IRS1: variants seen among roughly 807,000 people sequenced by gnomAD.
IRS1 encodes insulin receptor substrate 1.
Under a neutral mutation model 65.6 loss-of-function variants are expected in IRS1, and 34 were observed. The observed-to-expected ratio is 0.52, with a 90% CI of 0.39 to 0.69. The LOEUF is 0.69. Among genes scored for constraint, IRS1 ranks in the 30% least tolerant of loss-of-function variants. The pLI, the probability that IRS1 is intolerant of heterozygous loss-of-function variation, is 0.00. For synonymous variants in IRS1, 699 were observed against 683.5 expected (o/e 1.02, Z -0.35); for missense variants, 1,641 against 1,720.2 (o/e 0.95, Z 0.81).
In IRS1 at chr2:226,797,121, G is replaced by A; in HGVS notation, c.1618C>T (p.Pro540Ser). 1.9e-6 allele frequency: 3 copies of A among 1,613,840 alleles called. No individual in the cohort carries two copies. The South Asian group carries it at 3.3e-5, about 18-fold the overall frequency. ...ATGGAAGCCACTGAGGACTGGGACGGGGTCTTCTGGTGGGTAATGGTAGGG... is the reference window on the plus strand; with the variant it reads ...ATGGAAGCCACTGAGGACTGGGACGAGGTCTTCTGGTGGGTAATGGTAGGG... ...TSPTITHQKT[P>S]SQSSVASIEE... Residue 540 changes from proline to serine, a missense_variant, in exon 1 of 2, where the codon CCG (proline) becomes TCG (serine). This residue lies in a region of IRS1 where 1,324 missense variants were observed against 1,361.0 expected (regional missense o/e 0.97). Coordinates refer to ENST00000305123, the MANE Select transcript of IRS1 (RefSeq NM_005544.3). This position sits in a 1 kb window ranked among gnomAD's most constrained non-coding sequence, Gnocchi z 8.1.
At chr2:226,778,867 A>G (rs1475991533) in intron 1 of IRS1, among the ~76,000 whole-genome samples, 1 of 152,216 alleles carries the variant, frequency 6.6e-6, no homozygotes, top group African/African-American at 2.4e-5. Context: ...ATATACATCA[A>G]CTTCAACTCT....
In IRS1 at chr2:226,731,390, C is replaced by T. The variant is rs1436349690; in HGVS notation, c.*4882G>A. 2 of 152,070 alleles carry T rather than the reference C, an allele frequency of 1.3e-5. No homozygotes were observed. The highest frequency in any genetic ancestry group is 2.9e-5 in the Non-Finnish European group (2 of 68,024). 9.4% of individuals were successfully genotyped at this position (152,070 alleles called of 1,614,324 possible). ...AGACATTAAGGACCACTAATATTTACATCCATGAATTCATTTAGACAGTTT... is the reference window on the plus strand; with the variant it reads ...AGACATTAAGGACCACTAATATTTATATCCATGAATTCATTTAGACAGTTT... On this transcript the variant is annotated 3_prime_UTR_variant, in exon 2 of 2. Coordinates refer to ENST00000305123, the MANE Select transcript of IRS1 (RefSeq NM_005544.3).
chr2:226,772,039 AT>A (rs1251961103), intron 1 of IRS1, among the ~76,000 whole-genome samples: 1 of 152,234 alleles, frequency 6.6e-6, no homozygotes, highest in Non-Finnish European at 1.5e-5. Flanking sequence ...CATAAAATAA[AT>A]ATCTGAACAA....
Position 226,796,632 on chromosome 2 carries a change from C to A in IRS1, c.2107G>T (p.Val703Leu). 1 of 1,613,958 alleles carries A rather than the reference C, an allele frequency of 6.2e-7. No homozygotes were observed. The highest frequency in any genetic ancestry group is 8.5e-7 in the Non-Finnish European group (1 of 1,179,910). ...AAGACATGAGAGTGGTGGCCCCCTA[C>A]CCCGTTTGTCCACAGCTTTCCATAG... The part of the protein sequence containing the change: ...TSYGKLWTNG[V>L]GGHHSHVLPH... The change falls in exon 1 of 2, where the codon GTA (valine) becomes TTA (leucine). Residue 703 changes from valine to leucine, a missense_variant. Val to Leu is a conservative substitution (Grantham distance 32, BLOSUM62 1). Transcript: ENST00000305123.
In IRS1 at chr2:226,799,301, A is replaced by C; in HGVS notation, c.-563T>G. The stretch of plus-strand genomic sequence containing the variant: ...CCTCCTCCCACCCCCCAACCGTCCC[A>C]GCCGCCACCAGCCGCCCAAATACCA... On this transcript the variant is annotated 5_prime_UTR_variant, in exon 1 of 2. Transcript: ENST00000305123. This position sits in a 1 kb window ranked among gnomAD's most constrained non-coding sequence, Gnocchi z 6.1. 8.3e-7 allele frequency: 1 copy of C among 1,201,294 alleles called. No homozygotes were observed. Among genetic ancestry groups the C allele is most frequent in the Non-Finnish European group, 1.1e-6 (1 of 939,896 alleles). 74.4% of individuals were successfully genotyped at this position (1,201,294 alleles called of 1,614,324 possible).
chr2:226,746,785 CTTTTTTT>C (rs1213711501), intron 1 of IRS1, among the ~76,000 whole-genome samples: 1 of 118,440 alleles, frequency 8.4e-6, no homozygotes, highest in African/African-American at 3.2e-5. Flanking sequence ...TAGCAGCATT[CTTTTTTT>C]TTTTTTTTTT....
At chr2:226,748,880 A>G (rs1938613559) in intron 1 of IRS1, among the ~76,000 whole-genome samples, 1 of 152,198 alleles carries the variant, frequency 6.6e-6, no homozygotes, top group South Asian at 2.1e-4. Context: ...GAACAAGTTG[A>G]TTTCCAGGTG....
intron 1 of IRS1, among the ~76,000 whole-genome samples, chr2:226,761,626 CAG>C (rs1938915476): frequency 6.6e-6 from 1 of 152,114 alleles, no homozygotes. Flanking sequence ...GTTGAGCTTC[CAG>C]AGAGCTTTAC....
rs976619333 is a variant in IRS1 at position 226,798,797 on chromosome 2, G to A, written c.-59C>T. Reference sequence around the variant, plus strand: ...GAGGCTCCGAAAAACAACCGGGTGGGGGGCGGAGGCTCCTCGCCGCGGCCC... The same window carrying A: ...GAGGCTCCGAAAAACAACCGGGTGGAGGGCGGAGGCTCCTCGCCGCGGCCC... On this transcript the variant is annotated 5_prime_UTR_variant, in exon 1 of 2. Transcript: ENST00000305123. This position sits in a 1 kb window ranked among gnomAD's most constrained non-coding sequence, Gnocchi z 9.4. 1 of 1,567,038 alleles carries A rather than the reference G, an allele frequency of 6.4e-7. No homozygotes were observed. The highest frequency in any genetic ancestry group is 8.6e-7 in the Non-Finnish European group (1 of 1,157,112).
chr2:226,751,362 C>T (rs112969746), intron 1 of IRS1, among the ~76,000 whole-genome samples: 10,228 of 145,074 alleles, frequency 0.071, 606 homozygotes, highest in African/African-American at 0.16. Context: ...CGGCTCACTG[C>T]AAGCTCCACC....
chr2:226,795,842 C>A lies in IRS1; in HGVS notation c.2897G>T (p.Gly966Val), dbSNP rs757138873. ...ESTGVEMGRL[G>V]PAPPGAASIC... ...GCTAGCAGCCCCGGGAGGTGCAGGG[C>A]CCAGTCTGCCCATCTCGACCCCAGT... The change falls in exon 1 of 2, where the codon GGC (glycine) becomes GTC (valine). Residue 966 changes from glycine to valine, a missense_variant. Transcript: ENST00000305123. The A allele has an allele frequency of 2.5e-5, 40 of 1,613,162 alleles. No individual in the cohort carries two copies. Among genetic ancestry groups the A allele is most frequent in the Non-Finnish European group, 2.9e-5 (34 of 1,179,922 alleles).
Position 226,797,443 on chromosome 2 carries a change from G to T in IRS1, c.1296C>A (p.Gly432=), listed in dbSNP as rs754727147. ...DGGFISSDEY[G]SSPCDFRSSF... ...AACTCCGGAAATCGCAGGGACTGGAGCCATACTCATCCGAGGAGATGAAAC... is the reference window on the plus strand; with the variant it reads ...AACTCCGGAAATCGCAGGGACTGGATCCATACTCATCCGAGGAGATGAAAC... The change falls in exon 1 of 2, where the codon GGC becomes GGA. Residue 432 remains glycine (G), a synonymous_variant. Coordinates refer to ENST00000305123, the MANE Select transcript of IRS1 (RefSeq NM_005544.3). The surrounding 1 kb of genome is among the most constrained non-coding windows in gnomAD (Gnocchi z 8.1). 6.2e-7 allele frequency: 1 copy of T among 1,613,564 alleles called. No homozygotes were observed. Among genetic ancestry groups the T allele is most frequent in the Admixed American group, 1.7e-5 (1 of 60,012 alleles).
At chr2:226,773,819 A>G (rs1939209177) in intron 1 of IRS1, among the ~76,000 whole-genome samples, 1 of 152,098 alleles carries the variant, frequency 6.6e-6, no homozygotes, top group African/African-American at 2.4e-5. Flanking sequence ...GTTAACTGTA[A>G]CCACTCCAGG....
At chr2:226,766,154 TATA>T (rs1185504694) in intron 1 of IRS1, among the ~76,000 whole-genome samples, 23 of 17,556 alleles carry the variant, frequency 1.3e-3, no homozygotes, top group African/African-American at 4.2e-3. Context: ...TATATATATA[TATA>T]TATATATTTT....
At position 226,795,828 on chromosome 2, in the gene IRS1, C is replaced by A. The variant is rs1801278; in HGVS notation, c.2911G>T (p.Gly971Trp). ...GTAGGCCTGCAAATGCTAGCAGCCC[C>A]GGGAGGTGCAGGGCCCAGTCTGCCC... ...EMGRLGPAPPGAASICRPTRA... is the reference protein window; with the variant it reads ...EMGRLGPAPPWAASICRPTRA... Residue 971 changes from glycine to tryptophan, a missense_variant, in exon 1 of 2, where the codon GGG (glycine) becomes TGG (tryptophan). Physicochemically the swap from Gly to Trp is radical, Grantham distance 184. Transcript: ENST00000305123. 6.2e-7 allele frequency: 1 copy of A among 1,612,924 alleles called. No homozygotes were observed. The highest frequency in any genetic ancestry group is 1.1e-5 in the South Asian group (1 of 91,078).
rs769318852 is a variant in IRS1, at chr2:226,795,582, G to A, written c.3157C>T (p.Leu1053=). The A allele has an allele frequency of 1.2e-6, 2 of 1,612,614 alleles. No homozygotes were observed. Among genetic ancestry groups the A allele is most frequent in the African/African-American group, 2.7e-5 (2 of 74,932 alleles). ...CCCAGCAGGGACGAGTGGGCAGCCA[G>A]CTCTGCTGCCCCTTGAGGCCCAGTC... The part of the protein sequence containing the change: ...SPTGPQGAAE[L]AAHSSLLGGP... The change falls in exon 1 of 2, where the codon CTG becomes TTG. Residue 1053 remains leucine, a synonymous_variant. Coordinates refer to ENST00000305123, the MANE Select transcript of IRS1 (RefSeq NM_005544.3).
At chr2:226,787,506 C>T (rs1181991907) in intron 1 of IRS1, among the ~76,000 whole-genome samples, 1 of 152,098 alleles carries the variant, frequency 6.6e-6, no homozygotes, top group Non-Finnish European at 1.5e-5. Context: ...ATTTTTCCCT[C>T]CATTTCCATG....
chr2:226,768,194 T>C (rs1459236281), intron 1 of IRS1, among the ~76,000 whole-genome samples: 1 of 152,176 alleles, frequency 6.6e-6, no homozygotes, highest in Non-Finnish European at 1.5e-5. Flanking sequence ...GCCTCCTTTC[T>C]GGCTACCCTT....
rs756650445 is a variant in IRS1, at chr2:226,795,660, G to A, written c.3079C>T (p.Pro1027Ser). ...TGIAAEEVSL[P>S]RATMAAASSS... ...GAGGCAGCAGCCATGGTGGCCCTGGGCAGGCTCACCTCCTCTGCAGCAATG... is the reference window on the plus strand; with the variant it reads ...GAGGCAGCAGCCATGGTGGCCCTGGACAGGCTCACCTCCTCTGCAGCAATG... Residue 1027 changes from proline (P) to serine (S), a missense_variant, in exon 1 of 2, where the codon CCC (proline) becomes TCC (serine). Pro to Ser is a moderately conservative substitution (Grantham distance 74). Around this residue, in one of 3 missense-constraint regions of IRS1, gnomAD observed 1,324 missense variants for 1,361.0 expected, o/e 0.97. Transcript: ENST00000305123. 4.3e-6 allele frequency: 7 copies of A among 1,612,890 alleles called. No individual in the cohort carries two copies. The Admixed American group carries it at 1.2e-4, about 27-fold the overall frequency.
Sources: allele counts gnomAD v4.1 joint callset (sites outside exome capture counted in the v4.1 genomes callset), GRCh38; gene constraint gnomAD v4.1.1; regional missense constraint gnomAD v4.1.1; non-coding constraint Gnocchi (gnomAD v3.1); transcripts MANE v1.5; gene names NCBI Gene and HGNC (gene_info 2026-07-23, HGNC 2026-07-21).